Variants in CCT2 observed in about 807,000 individuals in gnomAD.
CCT2 encodes the protein chaperonin containing TCP1 subunit 2.
CCT2 carries 18 observed loss-of-function variants against 61.8 expected under a neutral mutation model. The ratio of observed to expected loss-of-function variants is 0.29; its 90% CI spans 0.20 to 0.43. The LOEUF is 0.43. CCT2 is among the 20% of genes least tolerant of loss of function. CCT2 has a pLI of 1.00. For synonymous variants in CCT2, 248 were observed against 215.9 expected, an observed-to-expected ratio of 1.15 and a Z score of -1.30; for missense variants, 556 against 656.9, an observed-to-expected ratio of 0.85 and a Z score of 1.68.
At chr12:69,587,727 C>G in intron 4 of CCT2, 111 bp downstream of exon 4, 1 of 750,066 alleles carries the variant, frequency 1.3e-6, no homozygotes, top group Non-Finnish European at 2.2e-6. Context: ...TTGATGTCCA[C>G]TAGTTGTTAA....
intron 15 of CCT2, among the ~76,000 whole-genome samples, chr12:69,600,602 A>G (rs992885965): frequency 6.6e-6 from 1 of 151,336 alleles, no homozygotes; most frequent in African/African-American, 2.4e-5. Flanking sequence ...TTTTTTTTTC[A>G]GATCAGTGCC....
chr12:69,589,772 C>G, intron 7 of CCT2, 85 bp downstream of exon 7: 1 of 1,086,004 alleles, frequency 9.2e-7, no homozygotes, highest in African/African-American at 1.6e-5. Context: ...GACCAGTGAC[C>G]CTTTACAAAG....
At position 69,601,374 on chromosome 12, in the gene CCT2, G is replaced by A. The variant is rs376151663; in HGVS notation, c.*49G>A. On this transcript the variant is annotated 3_prime_UTR_variant, in exon 16 of 16. Transcript: ENST00000299300. Reference sequence around the variant, plus strand: ...TTGGACCAGTTTCTAGCAAAGTTGTGTTTGAAAGATACTCTATTAAAGAAG... The same window carrying A: ...TTGGACCAGTTTCTAGCAAAGTTGTATTTGAAAGATACTCTATTAAAGAAG... 64 of 1,613,618 alleles carry A rather than the reference G, an allele frequency of 4.0e-5. No individual in the cohort carries two copies. In the African/African-American group the frequency reaches 6.8e-4, roughly 17 times the overall value.
intron 15 of CCT2, 52 bp from the exon 16 acceptor site, chr12:69,601,243 A>T: frequency 2.1e-6 from 3 of 1,424,092 alleles, no homozygotes; most frequent in Non-Finnish European, 2.9e-6. Flanking sequence ...AATACTTTGG[A>T]TAAAATCATG....
chr12:69,598,763 A>G (rs1882067981), intron 14 of CCT2, among the ~76,000 whole-genome samples: 1 of 152,272 alleles, frequency 6.6e-6, no homozygotes, highest in Admixed American at 6.5e-5. Context: ...CTAATTTCAT[A>G]GTAAACTTAC....
At position 69,592,982 on chromosome 12, in the gene CCT2, G is replaced by C; in HGVS notation, c.757G>C (p.Gly253Arg). 1 of 1,611,768 alleles carries C rather than the reference G, an allele frequency of 6.2e-7. No homozygotes were observed. The highest frequency in any genetic ancestry group is 8.5e-7 in the Non-Finnish European group (1 of 1,179,356). Residue 253 changes from glycine to arginine, a missense_variant, in exon 9 of 16, where the codon GGT becomes CGT. Gly to Arg is a moderately radical substitution (Grantham distance 125). This residue lies in a region of CCT2 where 308 missense variants were observed against 350.6 expected (regional missense o/e 0.88). Coordinates refer to ENST00000299300, the MANE Select transcript of CCT2 (RefSeq NM_006431.3). ...TATGCTTCGTTTGTCTTAGATATTT[G>C]GTTCCCGGGTAAGAGTTGACTCTAC... ...GMDTDKIKIF[G>R]SRVRVDSTAK...
At chr12:69,597,859 A>G in intron 12 of CCT2, 93 bp downstream of exon 12, 3 of 1,418,864 alleles carry the variant, frequency 2.1e-6, no homozygotes, top group African/African-American at 2.9e-5. Flanking sequence ...GAAATCTTAT[A>G]TTGCTTTTGC....
intron 4 of CCT2, 63 bp downstream of exon 4, chr12:69,587,679 C>T (rs1944985593): frequency 2.8e-6 from 3 of 1,070,860 alleles, no homozygotes; most frequent in Non-Finnish European, 4.3e-6. Flanking sequence ...TTTGAAATAA[C>T]TTTATAAATA....
intron 6 of CCT2, 100 bp from the exon 7 acceptor site, chr12:69,589,385 C>T (rs1353250800): frequency 1.3e-6 from 1 of 762,592 alleles, no homozygotes; most frequent in African/African-American, 1.7e-5. Context: ...AGCTTACAGA[C>T]TTGATCAGTT....
At position 69,585,981 on chromosome 12, in the gene CCT2, C is replaced by A. The variant is rs1244131800; in HGVS notation, c.4-289C>A. On this transcript the variant is annotated intron_variant, in intron 1 of 15. Coordinates refer to ENST00000299300, the MANE Select transcript of CCT2 (RefSeq NM_006431.3). Reference sequence around the variant, plus strand: ...GCCTGCAACCCCTCCCTGCCTCATTCTTAGTTCAAGATCGTCTTTAGTCTC... The same window carrying A: ...GCCTGCAACCCCTCCCTGCCTCATTATTAGTTCAAGATCGTCTTTAGTCTC... 6.8e-6 allele frequency: 9 copies of A among 1,318,342 alleles called. No individual in the cohort carries two copies. The Admixed American group carries it at 1.4e-4, about 20-fold the overall frequency. The allele number at this position is 1,318,342 out of a possible 1,614,324, so 81.7% of individuals were successfully genotyped here.
rs1050107103 is a variant in CCT2, at chr12:69,590,129, G to C, written c.649+442G>C. 5.3e-5 allele frequency among the ~76,000 whole-genome samples: 8 copies of C among 152,252 alleles called. No homozygotes were observed. In the East Asian group the frequency reaches 1.5e-3, roughly 29 times the overall value. On this transcript the variant is annotated intron_variant, in intron 7 of 15. Coordinates refer to ENST00000299300, the MANE Select transcript of CCT2 (RefSeq NM_006431.3). ...AATGCAGGTTTTTTCAATAAATATA[G>C]TCAGCCCTTTGTGTCCGTGGTTTGC...
Position 69,598,423 on chromosome 12 carries a change from TA to T in CCT2, c.1435+4del. On this transcript the variant is annotated splice_donor_region_variant and intron_variant, in intron 14 of 15. Coordinates refer to ENST00000299300, the MANE Select transcript of CCT2 (RefSeq NM_006431.3). ...AAGGCAATACCACTGCTGGATTGGG[TA>T]AGCAATCAAGGGGAACTTTGTGGCC... The T allele has an allele frequency of 6.4e-7, 1 of 1,559,852 alleles. No homozygotes were observed. The highest frequency in any genetic ancestry group is 8.7e-7 in the Non-Finnish European group (1 of 1,154,378).
At position 69,597,983 on chromosome 12, in the gene CCT2, T is replaced by G; in HGVS notation, c.1247T>G (p.Leu416Trp). ...TAATCTTTAGGCTGTTCTGAGATGT[T>G]GATGGCTCATGCTGTGACACAGCTT... is the stretch of plus-strand genomic sequence containing the variant. ...TVYGGGCSEMLMAHAVTQLAN... is the reference protein window; with the variant it reads ...TVYGGGCSEMWMAHAVTQLAN... Residue 416 changes from leucine (L) to tryptophan (W), a missense_variant, in exon 13 of 16, where the codon TTG (leucine) becomes TGG (tryptophan). This residue lies in a region of CCT2 where 225 missense variants were observed against 249.8 expected (regional missense o/e 0.90). Coordinates refer to ENST00000299300, the MANE Select transcript of CCT2 (RefSeq NM_006431.3). The G allele has an allele frequency of 6.2e-7, 1 of 1,613,790 alleles. No individual in the cohort carries two copies. The highest frequency in any genetic ancestry group is 1.1e-5 in the South Asian group (1 of 91,044).
rs1234517099 is a variant in CCT2 at position 69,585,579 on chromosome 12, ACCC to A, written c.3+57_3+59del. 3.5e-5 allele frequency: 54 copies of A among 1,558,214 alleles called. No individual in the cohort carries two copies. In the African/African-American group the frequency reaches 6.1e-4, roughly 18 times the overall value. ...ACCCCTGCTCCGCCGTGCTCTTGCC[ACCC>A]CACTGCTTCCTCTGTCCTGCTAGGG... On this transcript the variant is annotated intron_variant, in intron 1 of 15. Coordinates refer to ENST00000299300, the MANE Select transcript of CCT2 (RefSeq NM_006431.3).
intron 13 of CCT2, 101 bp downstream of exon 13, chr12:69,598,172 ATTCTGGAGT>A: frequency 9.8e-7 from 1 of 1,019,538 alleles, no homozygotes; most frequent in Non-Finnish European, 1.5e-6. Flanking sequence ...TTTAAATTTG[ATTCTGGAGT>A]TTCTCCTCTT....
intron 4 of CCT2, 110 bp from the exon 5 acceptor site, chr12:69,587,817 AAAT>A: frequency 1.1e-6 from 1 of 908,594 alleles, no homozygotes; most frequent in Non-Finnish European, 1.7e-6. Flanking sequence ...TCAGAGTTCC[AAAT>A]AATTTGTTGA....
intron 7 of CCT2, 155 bp downstream of exon 7, chr12:69,589,842 C>A: frequency 1.6e-6 from 1 of 623,486 alleles, no homozygotes; most frequent in Non-Finnish European, 2.8e-6. Context: ...ATTTTATTGA[C>A]AGTGTACTCC....
At chr12:69,585,621 TTC>T in intron 1 of CCT2, 97 bp downstream of exon 1, 1 of 1,547,480 alleles carries the variant, frequency 6.5e-7, no homozygotes, top group South Asian at 1.2e-5. Flanking sequence ...TAGGCTCCGT[TTC>T]TGTCTCCCCG....
chr12:69,599,121 C>G (rs763644555), intron 14 of CCT2, among the ~76,000 whole-genome samples: 11 of 152,214 alleles, frequency 7.2e-5, no homozygotes, highest in Non-Finnish European at 1.3e-4. Context: ...TGGTCTTGCT[C>G]TGTTCCCCAG....
Sources: gnomAD v4.1 joint callset for allele counts (sites outside exome capture counted in the v4.1 genomes callset) on GRCh38, gnomAD v4.1.1 for gene constraint, gnomAD v4.1.1 regional missense constraint, MANE v1.5 for transcripts, NCBI Gene and HGNC (gene_info 2026-07-23, HGNC 2026-07-21) for gene names.